Variants in CDC42SE2 observed in about 807,000 individuals in gnomAD.
The protein encoded by CDC42SE2 is CDC42 small effector 2.
Under a neutral mutation model 11.5 loss-of-function variants are expected in CDC42SE2, and 3 were observed. That is an observed-to-expected ratio of 0.26 (90% confidence interval 0.12 to 0.67). CDC42SE2 has a LOEUF of 0.67. Ranked by LOEUF, CDC42SE2 falls within the 30% of genes least tolerant of loss-of-function variation. CDC42SE2 has a pLI of 0.80. For missense variants in CDC42SE2, 82 were observed against 106.8 expected (o/e 0.77, Z 1.02); for synonymous variants, 33 against 34.8 (o/e 0.95, Z 0.18).
intron 1 of CDC42SE2, among the ~76,000 whole-genome samples, chr5:131,248,242 C>T (rs182263527): frequency 3.9e-5 from 6 of 151,984 alleles, no homozygotes; most frequent in African/African-American, 7.2e-5. Context: ...CAGGTTCAAG[C>T]GATTCTCCTG....
intron 1 of CDC42SE2, among the ~76,000 whole-genome samples, chr5:131,290,247 C>T (rs1353300716): frequency 6.6e-6 from 1 of 152,092 alleles, no homozygotes; most frequent in African/African-American, 2.4e-5. Flanking sequence ...GCACAAAAGG[C>T]AGTTGGTGAT....
At chr5:131,338,000 C>G (rs529193458) in intron 2 of CDC42SE2, among the ~76,000 whole-genome samples, 1 of 152,236 alleles carries the variant, frequency 6.6e-6, no homozygotes, top group African/African-American at 2.4e-5. Flanking sequence ...GAGATGAACC[C>G]GGTATCTCAG....
chr5:131,296,630 A>G (rs139211771), intron 1 of CDC42SE2, among the ~76,000 whole-genome samples: 64 of 152,154 alleles, frequency 4.2e-4, no homozygotes, highest in Non-Finnish European at 7.5e-4. Context: ...ATCATATTGG[A>G]TTAGGGGCCC....
chr5:131,351,328 C>G (rs1258785190), intron 2 of CDC42SE2, among the ~76,000 whole-genome samples: 1 of 152,052 alleles, frequency 6.6e-6, no homozygotes, highest in African/African-American at 2.4e-5. Context: ...GATCTTGGCT[C>G]ACTGCAAGCT....
At chr5:131,245,405 G>A (rs756293178), upstream of CDC42SE2, 1 of 152,058 alleles carries the variant, frequency 6.6e-6, no homozygotes. Flanking sequence ...AGAACAGCCT[G>A]TTCTTACCAA....
chr5:131,275,411 C>T (rs1229605716), intron 1 of CDC42SE2, among the ~76,000 whole-genome samples: 1 of 151,902 alleles, frequency 6.6e-6, no homozygotes, highest in Admixed American at 6.6e-5. Context: ...ATTCTTGTGC[C>T]TCAGCCTCCC....
At position 131,371,875 on chromosome 5, in the gene CDC42SE2, C is replaced by CT. The variant is rs146088232; in HGVS notation, c.54+12330dup. 7.8e-3 allele frequency among the ~76,000 whole-genome samples: 1,195 copies of CT among 152,334 alleles called. 8 individuals are homozygous for CT. The highest frequency in any genetic ancestry group is 0.012 in the Non-Finnish European group (790 of 68,022). On this transcript the variant is annotated intron_variant, in intron 3 of 4. Transcript: ENST00000505065. ...TGTTTCAGTATTTCAGAAAGCGTTTCTTGCTACCAAGTGTTAATTATTATC... is the reference window on the plus strand; with the variant it reads ...TGTTTCAGTATTTCAGAAAGCGTTTCTTTGCTACCAAGTGTTAATTATTATC...
intron 2 of CDC42SE2, among the ~76,000 whole-genome samples, chr5:131,355,879 A>G (rs1749524658): frequency 6.6e-6 from 1 of 152,176 alleles, no homozygotes; most frequent in Non-Finnish European, 1.5e-5. Context: ...GGAGGCTGGT[A>G]TCTGTAGCAT....
In CDC42SE2 at chr5:131,309,940, A is replaced by G. The variant is rs1004681751; in HGVS notation, c.-454-6036A>G. 5.3e-5 allele frequency among the ~76,000 whole-genome samples: 8 copies of G among 151,474 alleles called. No individual in the cohort carries two copies. In the South Asian group the frequency reaches 8.3e-4, roughly 16 times the overall value. ...TTTTTGAAGGGTTTTTTGTGTCTCT[A>G]TTTCCTTCAGTTCTGCTCTGATCTT... On this transcript the variant is annotated intron_variant, in intron 1 of 4. Transcript: ENST00000505065.
chr5:131,393,828 T>TTTTTTTTTTG lies in CDC42SE2; in HGVS notation c.*2746_*2747insGTTTTTTTTT, dbSNP rs1750757060. 1 of 106,242 alleles carries TTTTTTTTTTG rather than the reference T, an allele frequency of 9.4e-6. No individual in the cohort carries two copies. The highest frequency in any genetic ancestry group is 1.7e-5 in the Non-Finnish European group (1 of 57,584). The allele number at this position is 106,242 out of a possible 1,614,324, so 6.6% of individuals were successfully genotyped here. On this transcript the variant is annotated 3_prime_UTR_variant, in exon 5 of 5. Transcript: ENST00000505065. The stretch of plus-strand genomic sequence containing the variant: ...TTTTCCAAATCGCTGTTTTTTTTTT[T>TTTTTTTTTTG]TTTTTTTTTTTTTTTGCTGCTCCAA...
chr5:131,258,297 G>T, intron 2 of CDC42SE2, among the ~76,000 whole-genome samples: 1 of 151,260 alleles, frequency 6.6e-6, no homozygotes. Flanking sequence ...GTCTCTTTTA[G>T]CTGACTCATA....
chr5:131,389,827 C>T (rs1290070395), intron 4 of CDC42SE2, among the ~76,000 whole-genome samples: 2 of 152,150 alleles, frequency 1.3e-5, no homozygotes, highest in Non-Finnish European at 2.9e-5. Flanking sequence ...ATTGCTAGTG[C>T]TCTCTCTCCA....
At chr5:131,321,648 A>G (rs1303895784) in intron 2 of CDC42SE2, among the ~76,000 whole-genome samples, 1 of 152,214 alleles carries the variant, frequency 6.6e-6, no homozygotes, top group Admixed American at 6.5e-5. Context: ...CAAGAAGCTA[A>G]TATTAGGGGC....
At position 131,392,679 on chromosome 5, in the gene CDC42SE2, A is replaced by ATACTC. The variant is rs1229768724; in HGVS notation, c.*1590_*1594dup. The ATACTC allele has an allele frequency of 1.2e-4, 18 of 152,474 alleles. No individual in the cohort carries two copies. The highest frequency in any genetic ancestry group is 4.3e-4 in the African/African-American group (18 of 41,570). 9.4% of individuals were successfully genotyped at this position (152,474 alleles called of 1,614,324 possible). A position where few individuals can be genotyped will look rare whatever the true frequency, so the allele number is the denominator to read the frequency against. ...GGTTATGTATCTGAGTGTTGCGGTC[A>ATACTC]TACTCTCCTCCAGTCCAATCCTGAG... On this transcript the variant is annotated 3_prime_UTR_variant, in exon 5 of 5. Transcript: ENST00000505065.
chr5:131,321,726 C>A (rs993993533), intron 2 of CDC42SE2, among the ~76,000 whole-genome samples: 3 of 151,152 alleles, frequency 2.0e-5, no homozygotes, highest in East Asian at 1.9e-4. Flanking sequence ...TTCCCCCCCG[C>A]CAAAATCATC....
the CDC42SE2 span, among the ~76,000 whole-genome samples, chr5:131,235,948 A>G: frequency 6.6e-6 from 1 of 152,196 alleles, no homozygotes; most frequent in African/African-American, 2.4e-5. Flanking sequence ...AGTCATGTTA[A>G]CACATATAAC....
chr5:131,262,238 T>C (rs1046477762), upstream of CDC42SE2, among the ~76,000 whole-genome samples: 2 of 152,088 alleles, frequency 1.3e-5, no homozygotes, highest in African/African-American at 4.8e-5. Context: ...CTCTATCATG[T>C]TATTCTCATT....
the CDC42SE2 span, among the ~76,000 whole-genome samples, chr5:131,232,586 T>G: frequency 6.6e-6 from 1 of 151,544 alleles, no homozygotes; most frequent in Non-Finnish European, 1.5e-5. Flanking sequence ...TACCAAACAT[T>G]AGCCAGGTGT....
At chr5:131,290,134 A>G (rs530060350) in intron 1 of CDC42SE2, among the ~76,000 whole-genome samples, 45 of 152,170 alleles carry the variant, frequency 3.0e-4, no homozygotes, top group Non-Finnish European at 1.3e-4. Context: ...GGTGTGAGCT[A>G]CTGTGTCTGG....
Sources: gnomAD v4.1 joint callset for allele counts (sites outside exome capture counted in the v4.1 genomes callset) on GRCh38, gnomAD v4.1.1 for gene constraint, MANE v1.5 for transcripts, NCBI Gene and HGNC (gene_info 2026-07-23, HGNC 2026-07-21) for gene names.